Variants in ABCC8 observed in about 807,000 individuals in gnomAD.
The protein encoded by ABCC8 is ATP-binding cassette sub-family C member 8.
Under a neutral mutation model 188.0 loss-of-function variants are expected in ABCC8, and 137 were observed. The observed-to-expected ratio is 0.73, with a 90% CI of 0.63 to 0.84. ABCC8 has a LOEUF of 0.84. Among genes scored for constraint, ABCC8 ranks in the 40% least tolerant of loss-of-function variants. The probability of loss-of-function intolerance (pLI) is 0.00; values close to 1 mark genes in which losing one functional copy is unlikely to be tolerated. For missense variants in ABCC8, 1,750 were observed against 2,072.7 expected, an observed-to-expected ratio of 0.84 and a Z score of 3.02; for synonymous variants, 797 against 846.5, an observed-to-expected ratio of 0.94 and a Z score of 1.01.
Position 17,407,146 on chromosome 11 carries a change from C to A in ABCC8, c.2921-17G>T. 1 of 1,607,508 alleles carries A rather than the reference C, an allele frequency of 6.2e-7. No individual in the cohort carries two copies. Among genetic ancestry groups the A allele is most frequent in the East Asian group, 2.2e-5 (1 of 44,776 alleles). ...CTGCCTCCTCTGCAGGCCGCAAGAA[C>A]CCACTCTGTGGCTACACATTTCCAT... On this transcript the variant is annotated splice_polypyrimidine_tract_variant and intron_variant, in intron 24 of 38. Transcript: ENST00000389817.
At chr11:17,432,116 G>A (rs1591807754) in intron 11 of ABCC8, 88 bp downstream of exon 11, 6 of 1,507,964 alleles carry the variant, frequency 4.0e-6, no homozygotes, top group East Asian at 4.9e-5. Context: ...AGGCCCCTGT[G>A]CAGAAAGGCC....
chr11:17,471,496 G>A (rs1400034767), intron 2 of ABCC8, among the ~76,000 whole-genome samples: 1 of 152,242 alleles, frequency 6.6e-6, no homozygotes, highest in Non-Finnish European at 1.5e-5. Flanking sequence ...TTCTGTGCCA[G>A]GAGGACCACA....
In ABCC8 at chr11:17,428,587, G is replaced by T; in HGVS notation, c.1901C>A (p.Pro634Gln). Residue 634 changes from proline (P) to glutamine (Q), a missense_variant, in exon 13 of 39, where the codon CCA becomes CAA. Physicochemically the swap from Pro to Gln is moderately conservative, Grantham distance 76. Transcript: ENST00000389817. Reference sequence around the variant, plus strand: ...CACCACCGCCTGGTACTTGCTGGCTGGGCCCTGAGGTGTGGGCTCATGGGG... The same window carrying T: ...CACCACCGCCTGGTACTTGCTGGCTTGGCCCTGAGGTGTGGGCTCATGGGG... Reference protein sequence around the residue: ...CAPHEPTPQGPASKYQAVPLR... With the variant: ...CAPHEPTPQGQASKYQAVPLR... 6.2e-7 allele frequency: 1 copy of T among 1,614,112 alleles called. No homozygotes were observed. The highest frequency in any genetic ancestry group is 1.1e-5 in the South Asian group (1 of 91,084).
chr11:17,403,694 T>A (rs1443654418), intron 28 of ABCC8, among the ~76,000 whole-genome samples: 2 of 152,194 alleles, frequency 1.3e-5, no homozygotes, highest in Non-Finnish European at 2.9e-5. Context: ...AAATATATTT[T>A]ATCTCACAAA....
chr11:17,407,138 C>T lies in ABCC8; in HGVS notation c.2921-9G>A, dbSNP rs757171524. On this transcript the variant is annotated splice_polypyrimidine_tract_variant and intron_variant, in intron 24 of 38. Coordinates refer to ENST00000389817, the MANE Select transcript of ABCC8 (RefSeq NM_000352.6). ...GCTCTCAGCTGCCTCCTCTGCAGGC[C>T]GCAAGAACCCACTCTGTGGCTACAC... 6.8e-6 allele frequency: 11 copies of T among 1,609,016 alleles called. No homozygotes were observed. The highest frequency in any genetic ancestry group is 5.1e-5 in the Admixed American group (3 of 59,352).
chr11:17,400,955 G>A (rs1001671106), intron 29 of ABCC8, among the ~76,000 whole-genome samples: 6 of 152,234 alleles, frequency 3.9e-5, no homozygotes, highest in African/African-American at 1.4e-4. Flanking sequence ...GTATGGGGTT[G>A]ATTAAAAAGC....
chr11:17,445,086 G>A (rs192856060), intron 8 of ABCC8, among the ~76,000 whole-genome samples: 3 of 152,330 alleles, frequency 2.0e-5, no homozygotes, highest in South Asian at 2.1e-4. Flanking sequence ...GGTTCACTGC[G>A]TGGCCCAGGG....
chr11:17,406,271 A>G (rs965114396), intron 26 of ABCC8, among the ~76,000 whole-genome samples: 6 of 152,086 alleles, frequency 3.9e-5, no homozygotes, highest in Non-Finnish European at 8.8e-5. Flanking sequence ...TGAGGGAGAG[A>G]GAGTGAGGGG....
At chr11:17,468,649 A>C (rs1848301380) in intron 3 of ABCC8, among the ~76,000 whole-genome samples, 1 of 152,240 alleles carries the variant, frequency 6.6e-6, no homozygotes, top group Non-Finnish European at 1.5e-5. Context: ...TGCAAGGATT[A>C]AATGAATTAA....
rs1409484250 is a variant in ABCC8, at chr11:17,397,254, C to T, written c.3927G>A (p.Gly1309=). 6.2e-7 allele frequency: 1 copy of T among 1,613,688 alleles called. No individual in the cohort carries two copies. The part of the protein sequence containing the change: ...RNLADMELQL[G]AVKRIHGLLK... ...GGAGCCCATGGATGCGCTTCACAGC[C>T]CCCAGCTGGAGCTCCATGTCTGCCA... is the stretch of plus-strand genomic sequence containing the variant. The change falls in exon 32 of 39, where the codon GGG becomes GGA. Residue 1309 remains glycine (G), a synonymous_variant. Coordinates refer to ENST00000389817, the MANE Select transcript of ABCC8 (RefSeq NM_000352.6).
In ABCC8 at chr11:17,475,110, G is replaced by A. The variant is rs1591929287; in HGVS notation, c.149-83C>T. 40 of 1,580,752 alleles carry A rather than the reference G, an allele frequency of 2.5e-5. No individual in the cohort carries two copies. The East Asian group carries it at 8.8e-4, about 35-fold the overall frequency. ...GCATGAACCCCAGAAAGGTGCTTGG[G>A]CATTGGGTCCATGGTGAGGGTGACA... On this transcript the variant is annotated intron_variant, in intron 1 of 38. Transcript: ENST00000389817.
At chr11:17,421,956 G>T (rs568592962) in intron 16 of ABCC8, among the ~76,000 whole-genome samples, 1 of 152,232 alleles carries the variant, frequency 6.6e-6, no homozygotes, top group Non-Finnish European at 1.5e-5. Flanking sequence ...GCCTGGGTAT[G>T]GCTGAAAAGC....
At chr11:17,414,185 T>C (rs1357214845) in intron 19 of ABCC8, among the ~76,000 whole-genome samples, 1 of 152,206 alleles carries the variant, frequency 6.6e-6, no homozygotes, top group Admixed American at 6.5e-5. Context: ...ACTATTATCA[T>C]TGGAGGGAAA....
At chr11:17,407,511 G>A in intron 23 of ABCC8, 58 bp from the exon 24 acceptor site, 7 of 1,611,504 alleles carry the variant, frequency 4.3e-6, no homozygotes, top group Non-Finnish European at 5.1e-6. Flanking sequence ...GTGGGGGAAG[G>A]GGAAGTTAAG....
At position 17,394,414 on chromosome 11, in the gene ABCC8, G is replaced by T; in HGVS notation, c.4412-15C>A. 1 of 1,614,166 alleles carries T rather than the reference G, an allele frequency of 6.2e-7. No homozygotes were observed. The highest frequency in any genetic ancestry group is 1.1e-5 in the South Asian group (1 of 91,078). On this transcript the variant is annotated splice_polypyrimidine_tract_variant and intron_variant, in intron 36 of 38. Coordinates refer to ENST00000389817, the MANE Select transcript of ABCC8 (RefSeq NM_000352.6). The stretch of plus-strand genomic sequence containing the variant: ...GATGATGGCATCTGAAAACAGCCCG[G>T]GGAGATGAAGTAGGACTGAGTTAAT...
rs535604586 is a variant in ABCC8 at position 17,408,595 on chromosome 11, A to G, written c.2695-78T>C. 3.4e-5 allele frequency: 53 copies of G among 1,547,548 alleles called. No homozygotes were observed. In the Admixed American group the frequency reaches 3.7e-4, roughly 11 times the overall value. On this transcript the variant is annotated intron_variant, in intron 22 of 38. Coordinates refer to ENST00000389817, the MANE Select transcript of ABCC8 (RefSeq NM_000352.6). ...GTCACATCCCTCAATTGTGGAGTCTAAGATGGAGGTTGACACATCCCTTTC... is the reference window on the plus strand; with the variant it reads ...GTCACATCCCTCAATTGTGGAGTCTGAGATGGAGGTTGACACATCCCTTTC...
chr11:17,451,949 A>G (rs1033283637), intron 7 of ABCC8, among the ~76,000 whole-genome samples: 18 of 152,206 alleles, frequency 1.2e-4, no homozygotes, highest in Admixed American at 7.2e-4. Flanking sequence ...TGGCAGTTTC[A>G]ATACCCACCA....
intron 3 of ABCC8, among the ~76,000 whole-genome samples, chr11:17,466,944 G>A (rs1407141100): frequency 6.6e-6 from 1 of 151,906 alleles, no homozygotes; most frequent in East Asian, 1.9e-4. Flanking sequence ...GGGATTACAG[G>A]CATGAGCCAC....
chr11:17,434,984 C>CGTGTGTGTGTGTGTGTGTGT (rs57580521), intron 10 of ABCC8, among the ~76,000 whole-genome samples: 1 of 144,650 alleles, frequency 6.9e-6, no homozygotes, highest in African/African-American at 2.6e-5. Context: ...CGTGTGTTCG[C>CGTGTGTGTGTGTGTGTGTGT]GTGTGTGTGT....
Sources: allele counts gnomAD v4.1 joint callset (sites outside exome capture counted in the v4.1 genomes callset), GRCh38; gene constraint gnomAD v4.1.1; transcripts MANE v1.5; gene names NCBI Gene and HGNC (gene_info 2026-07-23, HGNC 2026-07-21).